The following ADCY2 variants were observed in gnomAD, a reference collection of about 807,000 sequenced individuals.
ADCY2 encodes adenylate cyclase 2.
ADCY2 carries 31 observed loss-of-function variants against 125.2 expected under a neutral mutation model. The ratio of observed to expected loss-of-function variants is 0.25; its 90% confidence interval spans 0.19 to 0.33. The LOEUF is 0.33. ADCY2 is among the 10% of genes least tolerant of loss of function. ADCY2 has a pLI of 1.00. For missense variants in ADCY2, 904 were observed against 1,418.2 expected (o/e 0.64, Z 5.82); for synonymous variants, 512 against 548.4 (o/e 0.93, Z 0.93).
chr5:7,544,891 C>T (rs917549155), intron 3 of ADCY2, among the ~76,000 whole-genome samples: 4 of 152,206 alleles, frequency 2.6e-5, no homozygotes, highest in Admixed American at 2.6e-4. Flanking sequence ...ACCCGACTGA[C>T]TCCCATGGAG....
Position 7,620,452 on chromosome 5 carries a change from T to G in ADCY2, c.571-5715T>G, listed in dbSNP as rs1461838448. 3.3e-5 allele frequency among the ~76,000 whole-genome samples: 5 copies of G among 152,334 alleles called. No homozygotes were observed. In the East Asian group the frequency reaches 9.7e-4, roughly 29 times the overall value. On this transcript the variant is annotated intron_variant, in intron 3 of 24. Transcript: ENST00000338316. ...GGAGGGACTTCAAATTAGAAGATCCTAGCACATGACCTAAAGATCACTGGA... is the reference window on the plus strand; with the variant it reads ...GGAGGGACTTCAAATTAGAAGATCCGAGCACATGACCTAAAGATCACTGGA...
intron 3 of ADCY2, among the ~76,000 whole-genome samples, chr5:7,603,780 C>CTTTCTTTTTTTTTTTTTTTTTTTTT (rs1737299564): frequency 3.3e-5 from 1 of 29,924 alleles, no homozygotes; most frequent in Non-Finnish European, 6.6e-5. Context: ...GTAATGCTCT[C>CTTTCTTTTTTTTTTTTTTTTTTTTT]TTTCTTTTTT....
chr5:7,766,624 C>T, intron 16 of ADCY2, 63 bp from the exon 17 acceptor site: 1 of 1,561,396 alleles, frequency 6.4e-7, no homozygotes, highest in Admixed American at 1.8e-5. Context: ...AAAGTTAGCA[C>T]CCACCTGCTA....
intron 3 of ADCY2, among the ~76,000 whole-genome samples, chr5:7,561,706 A>C (rs1036772325): frequency 6.6e-6 from 1 of 152,210 alleles, no homozygotes; most frequent in African/African-American, 2.4e-5. Flanking sequence ...TTTAGCTATT[A>C]CACAAGTTAT....
Position 7,544,579 on chromosome 5 carries a change from C to A in ADCY2, c.570+23680C>A, listed in dbSNP as rs191399811. 6.6e-5 allele frequency among the ~76,000 whole-genome samples: 10 copies of A among 152,280 alleles called. No individual in the cohort carries two copies. The East Asian group carries it at 1.7e-3, about 27-fold the overall frequency. ...TCCATCTCAAGCTCCTGAGGTTCAT[C>A]ACGTGTGCAAAGTCCCTTTTGCCAT... is the stretch of plus-strand genomic sequence containing the variant. On this transcript the variant is annotated intron_variant, in intron 3 of 24. Coordinates refer to ENST00000338316, the MANE Select transcript of ADCY2 (RefSeq NM_020546.3).
chr5:7,777,931 C>A (rs1490851586), intron 18 of ADCY2, among the ~76,000 whole-genome samples: 1 of 152,210 alleles, frequency 6.6e-6, no homozygotes, highest in Non-Finnish European at 1.5e-5. Context: ...CAGTATTTAA[C>A]GTGACCTGCT....
intron 7 of ADCY2, among the ~76,000 whole-genome samples, chr5:7,706,255 AAATTCTTATGTAGGCT>A (rs1422954905): frequency 1.3e-5 from 2 of 152,222 alleles, no homozygotes; most frequent in Non-Finnish European, 1.5e-5. Context: ...ATTTTGCTAA[AAATTCTTATGTAGGCT>A]AAAATCATTA....
intron 2 of ADCY2, among the ~76,000 whole-genome samples, chr5:7,428,658 G>A (rs368702056): frequency 6.6e-6 from 1 of 152,172 alleles, no homozygotes; most frequent in African/African-American, 2.4e-5. Context: ...TCATTCCCAA[G>A]TAGATAGTGT....
intron 1 of ADCY2, among the ~76,000 whole-genome samples, chr5:7,398,004 T>TATGA (rs972914858): frequency 6.6e-5 from 10 of 152,318 alleles, no homozygotes; most frequent in African/African-American, 2.2e-4. Flanking sequence ...CTCAGTCTCA[T>TATGA]GGGCAAGCAG....
At chr5:7,757,241 T>C (rs1743021996) in intron 15 of ADCY2, among the ~76,000 whole-genome samples, 1 of 152,218 alleles carries the variant, frequency 6.6e-6, no homozygotes, top group Admixed American at 6.5e-5. Context: ...TCATAGGCAT[T>C]TAATTTGTTC....
intron 16 of ADCY2, among the ~76,000 whole-genome samples, chr5:7,761,180 C>T (rs1304100435): frequency 2.7e-4 from 27 of 99,980 alleles, no homozygotes; most frequent in African/African-American, 9.8e-4. Context: ...GATGGAGTCT[C>T]GCCCTGTCAC....
intron 2 of ADCY2, among the ~76,000 whole-genome samples, chr5:7,487,087 A>C (rs1742961092): frequency 6.6e-6 from 1 of 152,352 alleles, no homozygotes; most frequent in East Asian, 1.9e-4. Flanking sequence ...CTGTCTTTCA[A>C]GATGTCTTAA....
chr5:7,576,388 C>G (rs1258106946), intron 3 of ADCY2, among the ~76,000 whole-genome samples: 4 of 152,218 alleles, frequency 2.6e-5, no homozygotes, highest in Non-Finnish European at 1.5e-5. Context: ...AAATGCTTCC[C>G]ATTCCTCTCT....
intron 2 of ADCY2, among the ~76,000 whole-genome samples, chr5:7,497,585 A>G (rs1743385967): frequency 6.6e-6 from 1 of 152,184 alleles, no homozygotes; most frequent in African/African-American, 2.4e-5. Flanking sequence ...AAAGCATCCA[A>G]AAGTCATTCA....
At chr5:7,746,422 C>G (rs1427421047) in intron 15 of ADCY2, 1 of 152,170 alleles carries the variant, frequency 6.6e-6, no homozygotes, top group East Asian at 1.9e-4. Flanking sequence ...TTAAATCATT[C>G]TTTAAGGATT....
chr5:7,760,899 C>T (rs957405222), intron 16 of ADCY2, among the ~76,000 whole-genome samples: 1 of 152,110 alleles, frequency 6.6e-6, no homozygotes, highest in East Asian at 1.9e-4. Context: ...CCTACATCTC[C>T]CCATTTCCTG....
intron 2 of ADCY2, among the ~76,000 whole-genome samples, chr5:7,483,111 G>A (rs150500243): frequency 1.9e-3 from 295 of 152,008 alleles, no homozygotes; most frequent in Non-Finnish European, 3.1e-3. Flanking sequence ...ACACAGTAGC[G>A]TTACTGTAGT....
chr5:7,581,718 G>A (rs1480868323), intron 3 of ADCY2, among the ~76,000 whole-genome samples: 3 of 151,902 alleles, frequency 2.0e-5, no homozygotes, highest in Non-Finnish European at 4.4e-5. Flanking sequence ...CTACTTGGGA[G>A]GCTGAGGCAG....
At chr5:7,790,058 C>A (rs555733204) in intron 20 of ADCY2, among the ~76,000 whole-genome samples, 1 of 152,188 alleles carries the variant, frequency 6.6e-6, no homozygotes, top group South Asian at 2.1e-4. Flanking sequence ...GAGATTTTTT[C>A]CCCAATCATG....
Sources: allele counts gnomAD v4.1 joint callset (sites outside exome capture counted in the v4.1 genomes callset), GRCh38; gene constraint gnomAD v4.1.1; transcripts MANE v1.5; gene names NCBI Gene and HGNC (gene_info 2026-07-23, HGNC 2026-07-21).